Variants in CHD8 observed in about 807,000 individuals in gnomAD.
CHD8 encodes ATP-dependent chromatin remodeler CHD8.
In CHD8, 31 loss-of-function variants were observed where a neutral mutation model predicts 279.2. The ratio of observed to expected loss-of-function variants is 0.11; its 90% CI spans 0.08 to 0.15. The LOEUF is 0.15. Ranked by LOEUF, CHD8 falls within the 10% of genes least tolerant of loss-of-function variation. CHD8 has a pLI of 1.00. For missense variants in CHD8, 2,146 were observed against 3,230.5 expected (o/e 0.66, Z 8.14); for synonymous variants, 1,081 against 1,139.6 (o/e 0.95, Z 1.04).
chr14:21,446,762 G>T (rs1377283618), intron 1 of CHD8, among the ~76,000 whole-genome samples: 1 of 152,212 alleles, frequency 6.6e-6, no homozygotes, highest in Non-Finnish European at 1.5e-5. Context: ...AGCTCCAGAA[G>T]ACACATTCTT....
intron 1 of CHD8, among the ~76,000 whole-genome samples, chr14:21,454,263 A>G (rs1356499222): frequency 6.6e-6 from 1 of 152,208 alleles, no homozygotes; most frequent in Non-Finnish European, 1.5e-5. Flanking sequence ...CAGATCAAAC[A>G]TGGAGAATAC....
At chr14:21,388,872 G>C (rs570531192) in intron 37 of CHD8, among the ~76,000 whole-genome samples, 1 of 152,300 alleles carries the variant, frequency 6.6e-6, no homozygotes, top group South Asian at 2.1e-4. Context: ...AGATACCAAG[G>C]GATGACTGTA....
chr14:21,412,749 C>T (rs1482984669), intron 10 of CHD8, among the ~76,000 whole-genome samples, 164 bp downstream of exon 10: 3 of 152,182 alleles, frequency 2.0e-5, no homozygotes, highest in African/African-American at 7.2e-5. Flanking sequence ...TCTCTCCCTA[C>T]ACTCTTACCT....
chr14:21,406,705 G>A (rs927800906), intron 14 of CHD8, 151 bp downstream of exon 14: 42 of 631,052 alleles, frequency 6.7e-5, no homozygotes, highest in Admixed American at 1.1e-4. Flanking sequence ...ACTTTTACAC[G>A]ACTTTCAGGT....
intron 20 of CHD8, 49 bp from the exon 21 acceptor site, chr14:21,401,562 G>T: frequency 8.9e-7 from 1 of 1,129,744 alleles, no homozygotes. Flanking sequence ...TTTTTAAGTG[G>T]TGCAAAATCA....
intron 1 of CHD8, among the ~76,000 whole-genome samples, chr14:21,445,868 C>T (rs969977261): frequency 2.1e-5 from 3 of 145,900 alleles, no homozygotes; most frequent in South Asian, 2.2e-4. Flanking sequence ...GGTGTGGTAG[C>T]GGGCACCTGT....
chr14:21,393,477 T>C lies in CHD8; in HGVS notation c.6318A>G (p.Leu2106=), dbSNP rs1566412548. 1 of 1,561,734 alleles carries C rather than the reference T, an allele frequency of 6.4e-7. No individual in the cohort carries two copies. Among genetic ancestry groups the C allele is most frequent in the Non-Finnish European group, 8.7e-7 (1 of 1,152,354 alleles). ...CAACAGCCTGTCACATGCACTCACT[T>C]AGCTTCTCTTCCTTCTCATCCTCAC... ...DESEDEKEEK[L]TDQSRSKLYD... The change falls in exon 32 of 38, where the codon CTA becomes CTG. Residue 2106 remains leucine, a splice_region_variant and synonymous_variant. Coordinates refer to ENST00000646647, the MANE Select transcript of CHD8 (RefSeq NM_001170629.2).
In CHD8 at chr14:21,415,821, CTCTTCT is replaced by C. The variant is rs757502536; in HGVS notation, c.1797_1802del (p.Glu600_Glu601del). On this transcript the variant is annotated inframe_deletion, in exon 6 of 38. Transcript: ENST00000646647. ...GTTTTATTGGACCAGTTACATCCAC[CTCTTCT>C]TCTTCTTCATCATCTGTGATCTTTA... The C allele has an allele frequency of 6.2e-7, 1 of 1,613,714 alleles. No individual in the cohort carries two copies. The highest frequency in any genetic ancestry group is 8.5e-7 in the Non-Finnish European group (1 of 1,179,658).
intron 35 of CHD8, 74 bp downstream of exon 35, chr14:21,391,759 C>T: frequency 2.0e-6 from 3 of 1,519,538 alleles, no homozygotes; most frequent in East Asian, 4.5e-5. Flanking sequence ...TCCCCCAGTC[C>T]CACTGCCTTC....
intron 30 of CHD8, 94 bp downstream of exon 30, chr14:21,394,818 A>C: frequency 4.5e-6 from 6 of 1,336,100 alleles, no homozygotes; most frequent in Non-Finnish European, 6.3e-6. Context: ...GTCCCTCTGT[A>C]GAGAATTCCA....
Position 21,399,722 on chromosome 14 carries a change from G to A in CHD8, c.4818-17C>T. ...TCAATCTCACTAAAGGTATAAGAGG[G>A]CAGAGTCAGCACAGAAATGCAGGAA... On this transcript the variant is annotated splice_polypyrimidine_tract_variant and intron_variant, in intron 25 of 37. Coordinates refer to ENST00000646647, the MANE Select transcript of CHD8 (RefSeq NM_001170629.2). The A allele has an allele frequency of 6.7e-7, 1 of 1,501,936 alleles. No individual in the cohort carries two copies. Among genetic ancestry groups the A allele is most frequent in the Non-Finnish European group, 9.3e-7 (1 of 1,078,100 alleles). 93.0% of individuals were successfully genotyped at this position (1,501,936 alleles called of 1,614,324 possible). A position where few individuals can be genotyped will look rare whatever the true frequency, so the allele number is the denominator to read the frequency against.
rs1399400215 is a variant in CHD8 at position 21,385,775 on chromosome 14, G to A, written c.7584C>T (p.Thr2528=). 3 of 1,551,184 alleles carry A rather than the reference G, an allele frequency of 1.9e-6. No individual in the cohort carries two copies. Among genetic ancestry groups the A allele is most frequent in the South Asian group, 1.2e-5 (1 of 84,024 alleles). ...CAGGTTGCAGTGGTGGCAACCGCAA[G>A]GTAGTACCAGAGGCGGTAGTCACTG... ...SSPVTTASGT[T]LRLPPLQPEE... Residue 2528 remains threonine (T), a synonymous_variant, in exon 38 of 38, where the codon ACC becomes ACT. Coordinates refer to ENST00000646647, the MANE Select transcript of CHD8 (RefSeq NM_001170629.2).
In CHD8 at chr14:21,427,905, G is replaced by T. The variant is rs955448812; in HGVS notation, c.1565C>A (p.Ser522Tyr). ...CTTGCCCTTTGTTTTGGAGGCACCAGATGTTTTACTCTTCTTTGGCTTCTC... is the reference window on the plus strand; with the variant it reads ...CTTGCCCTTTGTTTTGGAGGCACCATATGTTTTACTCTTCTTTGGCTTCTC... Reference protein sequence around the residue: ...KEEKPKKSKTSGASKTKGKSK... With the variant: ...KEEKPKKSKTYGASKTKGKSK... The change falls in exon 4 of 38, where the codon TCT (serine) becomes TAT (tyrosine). Residue 522 changes from serine to tyrosine, a missense_variant. By Grantham distance (144) the Ser-to-Tyr change is moderately radical (BLOSUM62 -2). Coordinates refer to ENST00000646647, the MANE Select transcript of CHD8 (RefSeq NM_001170629.2). 1 of 1,613,964 alleles carries T rather than the reference G, an allele frequency of 6.2e-7. No homozygotes were observed. Among genetic ancestry groups the T allele is most frequent in the African/African-American group, 1.3e-5 (1 of 74,946 alleles).
At position 21,429,138 on chromosome 14, in the gene CHD8, T is replaced by C; in HGVS notation, c.1041A>G (p.Pro347=). 6.2e-7 allele frequency: 1 copy of C among 1,614,022 alleles called. No individual in the cohort carries two copies. The highest frequency in any genetic ancestry group is 8.5e-7 in the Non-Finnish European group (1 of 1,179,886). Reference sequence around the variant, plus strand: ...GTGGTACAATCTGGATTTTTTGCTGTGGCTGCTGCACCTGCAGCTGGATAG... The same window carrying C: ...GTGGTACAATCTGGATTTTTTGCTGCGGCTGCTGCACCTGCAGCTGGATAG... The part of the protein sequence containing the change: ...VVTIQLQVQQ[P]QQKIQIVPQP... The change falls in exon 3 of 38, where the codon CCA becomes CCG. Residue 347 remains proline, a synonymous_variant. Transcript: ENST00000646647.
chr14:21,403,597 A>T lies in CHD8; in HGVS notation c.3374T>A (p.Leu1125Gln). The T allele has an allele frequency of 6.2e-7, 1 of 1,611,456 alleles. No individual in the cohort carries two copies. The highest frequency in any genetic ancestry group is 8.5e-7 in the Non-Finnish European group (1 of 1,178,636). Residue 1125 changes from leucine to glutamine, a missense_variant, in exon 17 of 38, where the codon CTG (leucine) becomes CAG (glutamine). Leu to Gln is a moderately radical substitution (Grantham distance 113). Transcript: ENST00000646647. The surrounding 1 kb of genome is among the most constrained non-coding windows in gnomAD (Gnocchi z 4.3). ...ACHIIPHDFH[L>Q]QAMVRSAGKL... Reference sequence around the variant, plus strand: ...GCCGGCTGAACGAACCATGGCCTGCAGGTGAAAGTCATGAGGTATAATATG... The same window carrying T: ...GCCGGCTGAACGAACCATGGCCTGCTGGTGAAAGTCATGAGGTATAATATG...
chr14:21,435,309 G>A (rs1410716674), intron 1 of CHD8, among the ~76,000 whole-genome samples: 1 of 152,144 alleles, frequency 6.6e-6, no homozygotes, highest in Non-Finnish European at 1.5e-5. Context: ...TAACAATACA[G>A]TTACCTGTAG....
At chr14:21,454,464 C>T (rs1196421324) in intron 1 of CHD8, among the ~76,000 whole-genome samples, 1 of 152,098 alleles carries the variant, frequency 6.6e-6, no homozygotes, top group Non-Finnish European at 1.5e-5. Context: ...ACTACAGGCA[C>T]GCGTCACCAT....
In CHD8 at chr14:21,456,104, G is replaced by C. The variant is rs1890383886; in HGVS notation, c.-288C>G. 1 of 152,152 alleles carries C rather than the reference G, an allele frequency of 6.6e-6. No homozygotes were observed. Among genetic ancestry groups the C allele is most frequent in the African/African-American group, 2.4e-5 (1 of 41,376 alleles). The allele number at this position is 152,152 out of a possible 1,614,324, so 9.4% of individuals were successfully genotyped here. On this transcript the variant is annotated 5_prime_UTR_variant, in exon 1 of 38. Transcript: ENST00000646647. ...CTCTCCGAGAACAAGGCGCCTTCCG[G>C]CGGAGCATGGCCAGCCCTCGCCTCA...
intron 26 of CHD8, chr14:21,398,908 G>A (rs540907414): frequency 8.2e-5 from 25 of 303,546 alleles, no homozygotes; most frequent in South Asian, 7.8e-4. Flanking sequence ...TAGTGAGGCA[G>A]CCAAGCTGAC....
Sources: gnomAD v4.1 joint callset for allele counts (sites outside exome capture counted in the v4.1 genomes callset) on GRCh38, gnomAD v4.1.1 for gene constraint, Gnocchi (gnomAD v3.1) non-coding constraint, MANE v1.5 for transcripts, NCBI Gene and HGNC (gene_info 2026-07-23, HGNC 2026-07-21) for gene names.